FBLIM1: variants seen among roughly 807,000 people sequenced by gnomAD.
FBLIM1 encodes filamin binding LIM protein 1, also known as filamin-binding LIM protein 1.
FBLIM1 carries 29 observed loss-of-function variants against 37.4 expected under a neutral mutation model. The ratio of observed to expected loss-of-function variants is 0.77; its 90% CI spans 0.58 to 1.06. FBLIM1 has a LOEUF of 1.06. Among genes scored for constraint, FBLIM1 ranks in the 50% least tolerant of loss-of-function variants. The pLI is 0.00. For missense variants in FBLIM1, 449 were observed against 505.6 expected (o/e 0.89, Z 1.07); for synonymous variants, 193 against 199.0 (o/e 0.97, Z 0.25).
At chr1:15,777,140 C>T in intron 7 of FBLIM1, 30 bp from the exon 8 acceptor site, 1 of 1,552,160 alleles carries the variant, frequency 6.4e-7, no homozygotes, top group Non-Finnish European at 8.8e-7. Flanking sequence ...GGCATGAACG[C>T]CTCCCAAGCA....
chr1:15,775,398 G>A (rs1336832039), intron 7 of FBLIM1, among the ~76,000 whole-genome samples: 5 of 151,774 alleles, frequency 3.3e-5, no homozygotes, highest in Non-Finnish European at 7.4e-5. Context: ...AGCTGAGCAT[G>A]GTGGTGTGTG....
intron 1 of FBLIM1, among the ~76,000 whole-genome samples, chr1:15,760,807 T>C (rs2068639414): frequency 6.6e-6 from 1 of 152,036 alleles, no homozygotes; most frequent in South Asian, 2.1e-4. Flanking sequence ...ATTCGCTCTC[T>C]GGGGGAGGAA....
At chr1:15,781,478 A>G (rs1569875148) in intron 8 of FBLIM1, among the ~76,000 whole-genome samples, 1 of 147,198 alleles carries the variant, frequency 6.8e-6, no homozygotes, top group South Asian at 2.1e-4. Flanking sequence ...GTGCCACTGC[A>G]CTCTAATCCT....
chr1:15,767,291 C>T, intron 3 of FBLIM1, 85 bp from the exon 4 acceptor site: 1 of 1,276,154 alleles, frequency 7.8e-7, no homozygotes, highest in Admixed American at 2.8e-5. Flanking sequence ...CCTCAGCTTC[C>T]CTCTGTATGG....
At position 15,775,115 on chromosome 1, in the gene FBLIM1, G is replaced by A. The variant is rs1466647127; in HGVS notation, c.890+319G>A. 12 of 465,984 alleles carry A rather than the reference G, an allele frequency of 2.6e-5. No individual in the cohort carries two copies. In the Admixed American group the frequency reaches 2.9e-4, roughly 11 times the overall value. 28.9% of individuals were successfully genotyped at this position (465,984 alleles called of 1,614,324 possible). ...GGCGCCTGTAGTCCCAGCTACTCGG[G>A]AGGCTGAGGCAGGAGAATGGCGTGA... On this transcript the variant is annotated intron_variant, in intron 7 of 8. Transcript: ENST00000375766.
rs1183562017 is a variant in FBLIM1 at position 15,778,921 on chromosome 1, C to T, written c.1008+1634C>T. The stretch of plus-strand genomic sequence containing the variant: ...CTTCCCAGAGTGCTGGGATTACAGG[C>T]GTGAGCCACCGTGCCCAGCGTTTTT... On this transcript the variant is annotated intron_variant, in intron 8 of 8. Transcript: ENST00000375766. Among the ~76,000 whole-genome samples the T allele has an allele frequency of 3.3e-5, 5 of 151,778 alleles. No individual in the cohort carries two copies. The East Asian group carries it at 7.7e-4, about 24-fold the overall frequency.
intron 1 of FBLIM1, among the ~76,000 whole-genome samples, chr1:15,763,998 G>C (rs2068800689): frequency 6.6e-6 from 1 of 152,180 alleles, no homozygotes; most frequent in African/African-American, 2.4e-5. Flanking sequence ...TCAGGGTTAG[G>C]AGGTGAGACC....
intron 3 of FBLIM1, 44 bp from the exon 4 acceptor site, chr1:15,767,332 C>T: frequency 6.7e-7 from 1 of 1,492,556 alleles, no homozygotes; most frequent in South Asian, 1.4e-5. Context: ...CTCCCAGGTC[C>T]ACCTGGGAGG....
At chr1:15,762,176 C>T (rs1476890870) in intron 1 of FBLIM1, among the ~76,000 whole-genome samples, 3 of 151,848 alleles carry the variant, frequency 2.0e-5, no homozygotes. Context: ...GCAACCTCGC[C>T]TCCCAGGATT....
Position 15,784,787 on chromosome 1 carries a change from C to T in FBLIM1, c.*126C>T, listed in dbSNP as rs186715423. 500 of 772,288 alleles carry T rather than the reference C, an allele frequency of 6.5e-4. No homozygotes were observed. Among genetic ancestry groups the T allele is most frequent in the Non-Finnish European group, 9.0e-4 (427 of 472,174 alleles). The allele number at this position is 772,288 out of a possible 1,614,324, so 47.8% of individuals were successfully genotyped here. A position where few individuals can be genotyped will look rare whatever the true frequency, so the allele number is the denominator to read the frequency against. ...CCTCCATGGAGACCAGCCTGCAAGC[C>T]GGCCCAGCCTGTCCAGGATACAGTG... On this transcript the variant is annotated 3_prime_UTR_variant, in exon 9 of 9. Coordinates refer to ENST00000375766, the MANE Select transcript of FBLIM1 (RefSeq NM_017556.4).
chr1:15,765,196 C>A lies in FBLIM1; in HGVS notation c.213C>A (p.Ala71=), dbSNP rs1557688385. The A allele has an allele frequency of 1.2e-6, 2 of 1,613,594 alleles. No homozygotes were observed. The highest frequency in any genetic ancestry group is 1.7e-6 in the Non-Finnish European group (2 of 1,179,890). The change falls in exon 3 of 9, where the codon GCC becomes GCA. Residue 71 remains alanine, a synonymous_variant. Coordinates refer to ENST00000375766, the MANE Select transcript of FBLIM1 (RefSeq NM_017556.4). The surrounding 1 kb of genome is among the most constrained non-coding windows in gnomAD (Gnocchi z 5.9). ...GGACAACCCCTGGCAGAGCTGCAGC[C>A]ACAGTGCCGGCTGCACCTATGCAGC... is the stretch of plus-strand genomic sequence containing the variant. ...SPWTTPGRAA[A]TVPAAPMQLF...
intron 8 of FBLIM1, among the ~76,000 whole-genome samples, chr1:15,783,740 G>A (rs1272908469): frequency 4.0e-5 from 6 of 151,664 alleles, no homozygotes; most frequent in Admixed American, 3.3e-4. Flanking sequence ...CCGCCACCAC[G>A]CCCGGCTAGT....
At chr1:15,777,706 G>A (rs1296886590) in intron 8 of FBLIM1, among the ~76,000 whole-genome samples, 2 of 151,616 alleles carry the variant, frequency 1.3e-5, no homozygotes, top group East Asian at 3.9e-4. Context: ...CCGAGTAGCT[G>A]GGATTACAGG....
Position 15,784,694 on chromosome 1 carries a change from C to A in FBLIM1, c.*33C>A. 6.3e-7 allele frequency: 1 copy of A among 1,588,858 alleles called. No homozygotes were observed. Among genetic ancestry groups the A allele is most frequent in the South Asian group, 1.1e-5 (1 of 90,278 alleles). On this transcript the variant is annotated 3_prime_UTR_variant, in exon 9 of 9. Coordinates refer to ENST00000375766, the MANE Select transcript of FBLIM1 (RefSeq NM_017556.4). Reference sequence around the variant, plus strand: ...CGCTGGGCAGTGAACAGACCACTAGCCCCGGCTGGGGCCCTTCCCTGACTT... The same window carrying A: ...CGCTGGGCAGTGAACAGACCACTAGACCCGGCTGGGGCCCTTCCCTGACTT...
At chr1:15,781,572 G>A (rs2069639967) in intron 8 of FBLIM1, among the ~76,000 whole-genome samples, 1 of 151,014 alleles carries the variant, frequency 6.6e-6, no homozygotes, top group Non-Finnish European at 1.5e-5. Flanking sequence ...CAGCCTGGAA[G>A]GAGTTGAGTG....
chr1:15,784,559 C>T lies in FBLIM1; in HGVS notation c.1020C>T (p.Ile340=), dbSNP rs1364255050. ...CTTTGTCTCCCCAGGACTGCAGGATCCTCCTGTCTGTCGAGCCCACGGACC... is the reference window on the plus strand; with the variant it reads ...CTTTGTCTCCCCAGGACTGCAGGATTCTCCTGTCTGTCGAGCCCACGGACC... ...ENCYRCEDCR[I]LLSVEPTDQG... Residue 340 remains isoleucine (I), a synonymous_variant, in exon 9 of 9, where the codon ATC becomes ATT. Coordinates refer to ENST00000375766, the MANE Select transcript of FBLIM1 (RefSeq NM_017556.4). 3 of 1,613,862 alleles carry T rather than the reference C, an allele frequency of 1.9e-6. No homozygotes were observed. The South Asian group carries it at 3.3e-5, about 18-fold the overall frequency.
chr1:15,784,077 C>T (rs1334028098), intron 8 of FBLIM1, among the ~76,000 whole-genome samples: 1 of 152,112 alleles, frequency 6.6e-6, no homozygotes, highest in African/African-American at 2.4e-5. Flanking sequence ...ATCCCAGCTA[C>T]CTGGGAGGCA....
At chr1:15,784,520 G>A (rs377465138) in intron 8 of FBLIM1, 28 bp from the exon 9 acceptor site, 44 of 1,593,562 alleles carry the variant, frequency 2.8e-5, no homozygotes, top group Non-Finnish European at 3.5e-5. Context: ...GGCCCAGGGC[G>A]GGTCAGCATG....
At chr1:15,774,953 T>C (rs1482075987) in intron 7 of FBLIM1, 157 bp downstream of exon 7, 6 of 1,494,950 alleles carry the variant, frequency 4.0e-6, no homozygotes, top group Non-Finnish European at 5.4e-6. Flanking sequence ...GCGCGGTGGC[T>C]CACGCCTGTA....
Sources: allele counts gnomAD v4.1 joint callset (sites outside exome capture counted in the v4.1 genomes callset), GRCh38; gene constraint gnomAD v4.1.1; non-coding constraint Gnocchi (gnomAD v3.1); transcripts MANE v1.5; gene names NCBI Gene and HGNC (gene_info 2026-07-23, HGNC 2026-07-21).